The following PPP2R1B variants were observed in gnomAD, a reference collection of about 807,000 sequenced individuals.
PPP2R1B encodes the protein serine/threonine-protein phosphatase 2A 65 kDa regulatory subunit A beta isoform.
Under a neutral mutation model 72.7 loss-of-function variants are expected in PPP2R1B, and 58 were observed. The ratio of observed to expected loss-of-function variants is 0.80; its 90% CI spans 0.65 to 0.99. PPP2R1B has a LOEUF of 0.99. Among genes scored for constraint, PPP2R1B ranks in the 50% least tolerant of loss-of-function variants. The probability of loss-of-function intolerance (pLI) is 0.00; values close to 1 mark genes in which losing one functional copy is unlikely to be tolerated. For synonymous variants in PPP2R1B, 256 were observed against 264.6 expected (o/e 0.97, Z 0.32); for missense variants, 695 against 733.6 (o/e 0.95, Z 0.61).
the PPP2R1B span, among the ~76,000 whole-genome samples, chr11:111,716,565 A>G: frequency 6.6e-6 from 1 of 152,152 alleles, no homozygotes. Context: ...CGACAGAGTG[A>G]GACTCTGTCT....
At chr11:111,765,788 C>G (rs1302135923) in intron 1 of PPP2R1B, 2 of 474,590 alleles carry the variant, frequency 4.2e-6, no homozygotes, top group Non-Finnish European at 4.2e-6. Context: ...ATCCCACCCC[C>G]GCTTTCTACC....
downstream of PPP2R1B, among the ~76,000 whole-genome samples, chr11:111,733,662 C>T (rs571575326): frequency 6.6e-6 from 1 of 152,272 alleles, no homozygotes; most frequent in Admixed American, 6.5e-5. Context: ...GCCCACCAAG[C>T]CCTTTCCTCC....
In PPP2R1B at chr11:111,743,420, C is replaced by A; in HGVS notation, c.1510G>T (p.Asp504Tyr). Residue 504 changes from aspartate to tyrosine, a missense_variant, in exon 12 of 15, where the codon GAT (aspartate) becomes TAT (tyrosine). Transcript: ENST00000527614. ...GTCATTCTATGCAAGTAATTAGGAT[C>A]ATTTGCCATTACTAACACTTTGGGA... The part of the protein sequence containing the change: ...IVPKVLVMAN[D>Y]PNYLHRMTTL... The A allele has an allele frequency of 1.2e-6, 2 of 1,612,620 alleles. No homozygotes were observed. Among genetic ancestry groups the A allele is most frequent in the Middle Eastern group, 1.7e-4 (1 of 6,058 alleles).
intron 10 of PPP2R1B, among the ~76,000 whole-genome samples, chr11:111,751,182 A>G (rs1310053720): frequency 6.6e-6 from 1 of 151,996 alleles, no homozygotes; most frequent in African/African-American, 2.4e-5. Flanking sequence ...AACTCCCTTT[A>G]ATCAGAATGT....
downstream of PPP2R1B, chr11:111,724,046 C>G (rs750834129): frequency 1.7e-5 from 27 of 1,614,042 alleles, no homozygotes; most frequent in South Asian, 2.9e-4. Flanking sequence ...CCCACTAGCC[C>G]TCTCTGAGCT....
intron 3 of PPP2R1B, among the ~76,000 whole-genome samples, 170 bp downstream of exon 3, chr11:111,764,635 A>G (rs1945450590): frequency 6.6e-6 from 1 of 151,792 alleles, no homozygotes; most frequent in African/African-American, 2.4e-5. Context: ...AAAAAAAAGG[A>G]GTTGAGTGCA....
At chr11:111,726,739 ATC>A, downstream of PPP2R1B, 1 of 559,864 alleles carries the variant, frequency 1.8e-6, no homozygotes, top group Non-Finnish European at 3.2e-6. Flanking sequence ...AAGGCTTAGT[ATC>A]GCTCTTTTTC....
chr11:111,726,902 T>A (rs555841619), downstream of PPP2R1B: 10 of 1,537,228 alleles, frequency 6.5e-6, no homozygotes, highest in Non-Finnish European at 9.0e-6. Flanking sequence ...AAAATTTCGT[T>A]CGGCAAAAAG....
chr11:111,766,018 C>T (rs1945520090), intron 1 of PPP2R1B: 1 of 586,054 alleles, frequency 1.7e-6, no homozygotes, highest in Admixed American at 2.5e-5. Flanking sequence ...GGCAAGGCTC[C>T]GGGCGGACGC....
chr11:111,761,890 G>A (rs1251302900), intron 3 of PPP2R1B, among the ~76,000 whole-genome samples: 1 of 152,164 alleles, frequency 6.6e-6, no homozygotes, highest in African/African-American at 2.4e-5. Flanking sequence ...AACCCGGGAG[G>A]CAGAGGTTGC....
At chr11:111,721,431 A>G in the PPP2R1B span, among the ~76,000 whole-genome samples, 1 of 152,162 alleles carries the variant, frequency 6.6e-6, no homozygotes, top group Non-Finnish European at 1.5e-5. Flanking sequence ...TCTCACCACT[A>G]CTTTTGATGT....
chr11:111,729,460 CCTT>C (rs1380531284), intron 15 of PPP2R1B: 2 of 152,222 alleles, frequency 1.3e-5, no homozygotes, highest in African/African-American at 4.8e-5. Context: ...GAGATACTGT[CCTT>C]ATTTTTCACA....
At chr11:111,690,306 A>G in the PPP2R1B span, among the ~76,000 whole-genome samples, 1 of 148,100 alleles carries the variant, frequency 6.8e-6, no homozygotes, top group Non-Finnish European at 1.5e-5. Flanking sequence ...TTAGCTCTGT[A>G]GAAAGAAGGG....
the PPP2R1B span, among the ~76,000 whole-genome samples, chr11:111,709,430 T>C: frequency 6.6e-6 from 1 of 152,220 alleles, no homozygotes; most frequent in African/African-American, 2.4e-5. Flanking sequence ...CCTATTGGAA[T>C]AGCAACGATT....
At chr11:111,722,851 A>C (rs1565397770), downstream of PPP2R1B, 1 of 1,162,054 alleles carries the variant, frequency 8.6e-7, no homozygotes, top group Non-Finnish European at 1.3e-6. The surrounding 1 kb of genome is among the most constrained non-coding windows in gnomAD (Gnocchi z 4.4). Flanking sequence ...ATTCGCCACT[A>C]CTAGGAAAAT....
At chr11:111,720,756 A>G in the PPP2R1B span, 1 of 1,586,296 alleles carries the variant, frequency 6.3e-7, no homozygotes, top group Non-Finnish European at 8.6e-7. Context: ...TACCTCCCTC[A>G]CCCAGGGTGA....
At chr11:111,688,628 T>C in the PPP2R1B span, among the ~76,000 whole-genome samples, 1 of 152,228 alleles carries the variant, frequency 6.6e-6, no homozygotes, top group South Asian at 2.1e-4. This position sits in a 1 kb window ranked among gnomAD's most constrained non-coding sequence, Gnocchi z 4.2. Context: ...TCTGATACGA[T>C]AGGGTTTTGA....
At chr11:111,720,577 A>G in the PPP2R1B span, 9 of 1,613,912 alleles carry the variant, frequency 5.6e-6, no homozygotes, top group Non-Finnish European at 6.8e-6. Context: ...CTGGAAGACA[A>G]CCCTTCCCTT....
the PPP2R1B span, among the ~76,000 whole-genome samples, chr11:111,697,330 C>G: frequency 6.6e-6 from 1 of 152,182 alleles, no homozygotes; most frequent in South Asian, 2.1e-4. Context: ...AGATCTTTAT[C>G]GAGCAGCTGT....
Sources: allele counts gnomAD v4.1 joint callset (sites outside exome capture counted in the v4.1 genomes callset), GRCh38; gene constraint gnomAD v4.1.1; non-coding constraint Gnocchi (gnomAD v3.1); transcripts MANE v1.5; gene names NCBI Gene and HGNC (gene_info 2026-07-23, HGNC 2026-07-21).